Variants in ACSL4 observed in about 807,000 individuals in gnomAD.
ACSL4 encodes the protein acyl-CoA synthetase long chain family member 4.
In ACSL4, 9 loss-of-function variants were observed where a neutral mutation model predicts 49.1. The ratio of observed to expected loss-of-function variants is 0.18; its 90% confidence interval spans 0.11 to 0.32. The LOEUF (loss-of-function observed/expected upper bound fraction) is 0.32, where lower values mean the gene tolerates loss of function less well. ACSL4 is among the 10% of genes least tolerant of loss of function. The pLI, the probability that ACSL4 is intolerant of heterozygous loss-of-function variation, is 1.00. For synonymous variants in ACSL4, 191 were observed against 170.3 expected (o/e 1.12, Z -0.95); for missense variants, 333 against 493.7 (o/e 0.67, Z 3.08).
chrX:109,725,247 A>ATTTT (rs34867628), intron 1 of ACSL4, among the ~76,000 whole-genome samples: 1 of 84,201 alleles, frequency 1.2e-5, no homozygotes, highest in East Asian at 3.7e-4. Context: ...ACACCCAGCT[A>ATTTT]TTTTTTTTTT....
intron 9 of ACSL4, among the ~76,000 whole-genome samples, chrX:109,670,284 T>TC (rs1218872274): frequency 5.4e-5 from 6 of 110,946 alleles, no homozygotes; most frequent in African/African-American, 2.0e-4. Flanking sequence ...AGCAGAACCA[T>TC]CCCTTAAAAA....
At chrX:109,713,258 A>T (rs1382452695) in intron 1 of ACSL4, among the ~76,000 whole-genome samples, 1 of 112,005 alleles carries the variant, frequency 8.9e-6, no homozygotes, top group Non-Finnish European at 1.9e-5. Flanking sequence ...TGCAGAGCTT[A>T]GGTGAAAACT....
chrX:109,644,636 G>T (rs1934562525), intron 15 of ACSL4, among the ~76,000 whole-genome samples: 2 of 112,082 alleles, frequency 1.8e-5, no homozygotes, highest in Non-Finnish European at 3.8e-5. Flanking sequence ...CCCCGGAGAG[G>T]ACATCCCTGA....
chrX:109,676,824 C>T (rs1055631094), intron 8 of ACSL4, among the ~76,000 whole-genome samples: 4 of 111,575 alleles, frequency 3.6e-5, no homozygotes, highest in African/African-American at 9.8e-5. Flanking sequence ...ATGCCTCAGC[C>T]CCTACCAATA....
chrX:109,720,928 T>C (rs1160141505), intron 1 of ACSL4, among the ~76,000 whole-genome samples: 2 of 111,997 alleles, frequency 1.8e-5, no homozygotes, highest in African/African-American at 6.5e-5. Flanking sequence ...GGTGAAGAAA[T>C]ATCATTATCC....
At chrX:109,693,610 T>C (rs1925202710) in intron 2 of ACSL4, among the ~76,000 whole-genome samples, 2 of 112,339 alleles carry the variant, frequency 1.8e-5, no homozygotes, top group African/African-American at 6.5e-5. Context: ...GGGAATACAT[T>C]CCATTCTGTT....
At chrX:109,656,775 G>T (rs1178488496) in intron 15 of ACSL4, among the ~76,000 whole-genome samples, 1 of 108,937 alleles carries the variant, frequency 9.2e-6, no homozygotes, top group African/African-American at 3.4e-5. Context: ...CCACCCACAT[G>T]GAATCCCTCG....
At chrX:109,662,291 C>T (rs1396056237) in intron 13 of ACSL4, among the ~76,000 whole-genome samples, 14 of 111,071 alleles carry the variant, frequency 1.3e-4, no homozygotes, top group East Asian at 5.6e-4. Flanking sequence ...ACCCACTCTA[C>T]AGAAATAACC....
At chrX:109,701,520 A>G (rs1925932736) in intron 1 of ACSL4, among the ~76,000 whole-genome samples, 1 of 104,127 alleles carries the variant, frequency 9.6e-6, no homozygotes, top group Non-Finnish European at 2.0e-5. Flanking sequence ...CCTGGCCAAC[A>G]CATAGAATTT....
At chrX:109,732,958 A>G (rs1233843068) in intron 1 of ACSL4, 181 bp downstream of exon 1, 1 of 320,552 alleles carries the variant, frequency 3.1e-6, no homozygotes, top group Non-Finnish European at 6.0e-6. Context: ...GCCCCAGCGG[A>G]GGCGAGCGGA....
intron 1 of ACSL4, among the ~76,000 whole-genome samples, chrX:109,729,129 G>T (rs915228657): frequency 8.1e-5 from 9 of 110,648 alleles, no homozygotes; most frequent in Non-Finnish European, 1.7e-4. Context: ...TGAGGCAGGA[G>T]AATGGCGTGA....
rs1393761080 is a variant in ACSL4, at chrX:109,643,460, T to A, written c.*569A>T. 1 of 113,734 alleles carries A rather than the reference T, an allele frequency of 8.8e-6. No individual in the cohort carries two copies. The highest frequency in any genetic ancestry group is 3.2e-5 in the African/African-American group (1 of 30,795). 9.4% of individuals were successfully genotyped at this position (113,734 alleles called of 1,213,427 possible). A position where few individuals can be genotyped will look rare whatever the true frequency, so the allele number is the denominator to read the frequency against. Reference sequence around the variant, plus strand: ...TTCACAACATTACAATGACTCTATATCTAACCTATGCAACAATTATAATCT... The same window carrying A: ...TTCACAACATTACAATGACTCTATAACTAACCTATGCAACAATTATAATCT... On this transcript the variant is annotated 3_prime_UTR_variant, in exon 16 of 16. Transcript: ENST00000672401.
chrX:109,728,599 G>T (rs1603413191), intron 1 of ACSL4, among the ~76,000 whole-genome samples: 1 of 112,408 alleles, frequency 8.9e-6, no homozygotes, highest in East Asian at 2.8e-4. Flanking sequence ...GTGTGAATAT[G>T]TATTAACATT....
At chrX:109,657,845 G>A (rs1159762848) in intron 15 of ACSL4, among the ~76,000 whole-genome samples, 1 of 111,547 alleles carries the variant, frequency 9.0e-6, no homozygotes, top group African/African-American at 3.3e-5. Context: ...CAGTGTAAAA[G>A]TGTTCCTATT....
chrX:109,667,403 G>C (rs1025967246), intron 11 of ACSL4, among the ~76,000 whole-genome samples: 6 of 112,403 alleles, frequency 5.3e-5, no homozygotes, highest in African/African-American at 1.9e-4. Context: ...GTCAGGGTTG[G>C]GAAACCTCGC....
Position 109,733,218 on chromosome X carries a change from G to T in ACSL4, c.-145C>A, listed in dbSNP as rs1375759752. ...GCTCGCAAAAAGGAACCGCGTGCCC[G>T]CTAGCGCTGGGACGAGGAGGAGCGC... is the stretch of plus-strand genomic sequence containing the variant. On this transcript the variant is annotated 5_prime_UTR_variant, in exon 1 of 16. Coordinates refer to ENST00000672401, the MANE Select transcript of ACSL4 (RefSeq NM_001318510.2). 9.2e-6 allele frequency: 3 copies of T among 327,311 alleles called. No individual in the cohort carries two copies. Among genetic ancestry groups the T allele is most frequent in the East Asian group, 1.0e-4 (1 of 9,938 alleles). The allele number at this position is 327,311 out of a possible 1,213,427, so 27.0% of individuals were successfully genotyped here. A position where few individuals can be genotyped will look rare whatever the true frequency, so the allele number is the denominator to read the frequency against.
intron 1 of ACSL4, among the ~76,000 whole-genome samples, chrX:109,700,912 G>A (rs1441853573): frequency 7.4e-5 from 8 of 108,336 alleles, no homozygotes; most frequent in Non-Finnish European, 1.5e-4. Context: ...GTGTGGTGGC[G>A]CACACCTGCA....
At chrX:109,685,231 C>A (rs1924516462) in intron 2 of ACSL4, among the ~76,000 whole-genome samples, 1 of 108,409 alleles carries the variant, frequency 9.2e-6, no homozygotes, top group Admixed American at 9.9e-5. Flanking sequence ...TAGCTGGGAA[C>A]ACAGATGTGC....
At chrX:109,689,161 A>ACACATTC (rs1160498163) in intron 2 of ACSL4, among the ~76,000 whole-genome samples, 4 of 111,019 alleles carry the variant, frequency 3.6e-5, no homozygotes, top group Non-Finnish European at 7.5e-5. Context: ...TCTCTTTCTC[A>ACACATTC]CACATTCCAC....
Sources: allele counts gnomAD v4.1 joint callset (sites outside exome capture counted in the v4.1 genomes callset), GRCh38; gene constraint gnomAD v4.1.1; transcripts MANE v1.5; gene names NCBI Gene and HGNC (gene_info 2026-07-23, HGNC 2026-07-21).